ENTREP2: variants seen among roughly 807,000 people sequenced by gnomAD.
The protein encoded by ENTREP2 is endosomal transmembrane epsin interactor 2.
the ENTREP2 span, among the ~76,000 whole-genome samples, chr15:29,317,987 T>C: frequency 3.3e-5 from 5 of 152,170 alleles, no homozygotes; most frequent in Non-Finnish European, 5.9e-5. Context: ...ACAGTGTTTC[T>C]GAATGTCCAC....
At chr15:29,409,535 G>C in the ENTREP2 span, among the ~76,000 whole-genome samples, 1 of 151,898 alleles carries the variant, frequency 6.6e-6, no homozygotes, top group African/African-American at 2.4e-5. Context: ...ATGTTGGCCA[G>C]GCTGGTCTCG....
At chr15:29,217,303 G>A in the ENTREP2 span, among the ~76,000 whole-genome samples, 1 of 152,166 alleles carries the variant, frequency 6.6e-6, no homozygotes, top group African/African-American at 2.4e-5. Context: ...AATCTGTCTG[G>A]TTCTCTTAGC....
the ENTREP2 span, among the ~76,000 whole-genome samples, chr15:29,224,179 T>C: frequency 1.5e-3 from 226 of 152,180 alleles, no homozygotes; most frequent in African/African-American, 5.2e-3. Flanking sequence ...CTACAGACCT[T>C]CGTGGTGAGT....
At chr15:29,231,840 A>G in the ENTREP2 span, among the ~76,000 whole-genome samples, 3 of 151,884 alleles carry the variant, frequency 2.0e-5, no homozygotes, top group Admixed American at 6.6e-5. Context: ...GAGTAATTTA[A>G]GATCAGAAAT....
At chr15:29,233,796 C>G in the ENTREP2 span, 1 of 1,563,506 alleles carries the variant, frequency 6.4e-7, no homozygotes, top group African/African-American at 1.4e-5. Flanking sequence ...GATGCCTCAA[C>G]AGACTGCCTT....
chr15:29,118,000 T>TAAAGC, the ENTREP2 span: 1 of 152,518 alleles, frequency 6.6e-6, no homozygotes. Context: ...TGGCCGCACC[T>TAAAGC]AAAGCAGCCA....
At chr15:29,465,951 T>C in the ENTREP2 span, among the ~76,000 whole-genome samples, 12 of 152,318 alleles carry the variant, frequency 7.9e-5, no homozygotes, top group South Asian at 2.1e-4. Flanking sequence ...TGAAGCTAGA[T>C]TGGGCCAGGC....
the ENTREP2 span, among the ~76,000 whole-genome samples, chr15:29,592,374 G>A: frequency 2.6e-5 from 4 of 152,196 alleles, no homozygotes; most frequent in East Asian, 3.8e-4. Context: ...ATAAAGAAAC[G>A]TATTGGCTCA....
the ENTREP2 span, among the ~76,000 whole-genome samples, chr15:29,662,689 G>A: frequency 2.6e-5 from 4 of 151,988 alleles, no homozygotes; most frequent in East Asian, 3.9e-4. Flanking sequence ...CCACGCACAC[G>A]AGCCCATAAG....
At chr15:29,565,950 G>T in the ENTREP2 span, among the ~76,000 whole-genome samples, 1 of 150,064 alleles carries the variant, frequency 6.7e-6, no homozygotes. Context: ...GATAGAGCAA[G>T]GCTCTGTCTC....
At chr15:29,197,901 T>C in the ENTREP2 span, among the ~76,000 whole-genome samples, 1 of 152,160 alleles carries the variant, frequency 6.6e-6, no homozygotes, top group Non-Finnish European at 1.5e-5. Flanking sequence ...CAACTCGAAG[T>C]ACAAATACTT....
chr15:29,134,843 A>G, the ENTREP2 span, among the ~76,000 whole-genome samples: 1 of 152,276 alleles, frequency 6.6e-6, no homozygotes, highest in African/African-American at 2.4e-5. Context: ...TCAAAGTGAC[A>G]GGGAGAGCAT....
At chr15:29,134,213 G>C in the ENTREP2 span, among the ~76,000 whole-genome samples, 1 of 152,202 alleles carries the variant, frequency 6.6e-6, no homozygotes, top group Non-Finnish European at 1.5e-5. Flanking sequence ...GGAAGGCAGA[G>C]GTCCCAGCTC....
chr15:29,657,475 T>TGCGGGGGCAGGGCGGGGCGGG, the ENTREP2 span, among the ~76,000 whole-genome samples: 4 of 3,804 alleles, frequency 1.1e-3, no homozygotes, highest in Admixed American at 6.8e-3. Flanking sequence ...CGCTGTCGGC[T>TGCGGGGGCAGGGCGGGGCGGG]GGGGGGGCGG....
chr15:29,399,981 A>G, the ENTREP2 span, among the ~76,000 whole-genome samples: 1 of 152,206 alleles, frequency 6.6e-6, no homozygotes, highest in Admixed American at 6.5e-5. Flanking sequence ...GAAAATCCAC[A>G]TATAAGTGGA....
chr15:29,489,787 C>T, the ENTREP2 span, among the ~76,000 whole-genome samples: 28 of 152,142 alleles, frequency 1.8e-4, no homozygotes, highest in Non-Finnish European at 2.8e-4. Flanking sequence ...GGCACATTTG[C>T]ACGTCTGGGT....
At chr15:29,326,065 T>TAAGAACA in the ENTREP2 span, among the ~76,000 whole-genome samples, 1 of 152,070 alleles carries the variant, frequency 6.6e-6, no homozygotes, top group Admixed American at 6.5e-5. Flanking sequence ...CTCTACAAAC[T>TAAGAACA]AAGAACAAAG....
At chr15:29,444,717 G>A in the ENTREP2 span, among the ~76,000 whole-genome samples, 7 of 151,966 alleles carry the variant, frequency 4.6e-5, no homozygotes, top group South Asian at 2.1e-4. Flanking sequence ...CGCCCACCTC[G>A]GCCTCCCAAA....
At chr15:29,223,327 A>T in the ENTREP2 span, among the ~76,000 whole-genome samples, 58 of 152,150 alleles carry the variant, frequency 3.8e-4, no homozygotes, top group Admixed American at 1.2e-3. Flanking sequence ...TGGGCTGGAG[A>T]GAGTTTGTCT....
Sources: gnomAD v4.1 joint callset for allele counts (sites outside exome capture counted in the v4.1 genomes callset) on GRCh38, gnomAD v4.1.1 for gene constraint, MANE v1.5 for transcripts, NCBI Gene and HGNC (gene_info 2026-07-23, HGNC 2026-07-21) for gene names.